Variants in MEGF10 observed in about 807,000 individuals in gnomAD.
The protein encoded by MEGF10 is multiple EGF like domains 10, also known as multiple epidermal growth factor-like domains protein 10.
MEGF10 carries 86 observed loss-of-function variants against 147.5 expected under a neutral mutation model. That is an observed-to-expected ratio of 0.58 (90% confidence interval 0.49 to 0.70). The LOEUF (loss-of-function observed/expected upper bound fraction) is 0.70, where lower values mean the gene tolerates loss of function less well. Among genes scored for constraint, MEGF10 ranks in the 30% least tolerant of loss-of-function variants. The probability of loss-of-function intolerance (pLI) is 0.00; values close to 1 mark genes in which losing one functional copy is unlikely to be tolerated. For missense variants in MEGF10, 1,329 were observed against 1,487.3 expected (o/e 0.89, Z 1.75); for synonymous variants, 478 against 525.5 (o/e 0.91, Z 1.24).
intron 1 of MEGF10, among the ~76,000 whole-genome samples, chr5:127,323,760 T>G (rs1760888903): frequency 6.6e-6 from 1 of 152,030 alleles, no homozygotes; most frequent in Non-Finnish European, 1.5e-5. Flanking sequence ...TAGCTCAGGG[T>G]CTCATGAGTT....
At chr5:127,389,680 A>G (rs1248101430) in intron 5 of MEGF10, among the ~76,000 whole-genome samples, 1 of 152,198 alleles carries the variant, frequency 6.6e-6, no homozygotes, top group Non-Finnish European at 1.5e-5. Flanking sequence ...ACAGAAAACA[A>G]AATACTGCAT....
chr5:127,240,268 C>T, the MEGF10 span, among the ~76,000 whole-genome samples: 2 of 152,160 alleles, frequency 1.3e-5, no homozygotes, highest in African/African-American at 4.8e-5. Flanking sequence ...CTTCCCTGGT[C>T]TATTTGCTTA....
At chr5:127,411,570 G>A (rs1310478546) in intron 9 of MEGF10, among the ~76,000 whole-genome samples, 1 of 149,836 alleles carries the variant, frequency 6.7e-6, no homozygotes, top group African/African-American at 2.4e-5. Flanking sequence ...GTGTGTGTGT[G>A]CGCGCATATG....
rs547142948 is a variant in MEGF10 at position 127,330,400 on chromosome 5, G to A, written c.-18-891G>A. Among the ~76,000 whole-genome samples the A allele has an allele frequency of 2.0e-5, 3 of 152,192 alleles. No homozygotes were observed. In the South Asian group the frequency reaches 6.2e-4, roughly 32 times the overall value. Reference sequence around the variant, plus strand: ...TCACCCTCTGTCTCTTTCTCCAGCTGTCCCCTTTTTCTTGCCATGAATTAA... The same window carrying A: ...TCACCCTCTGTCTCTTTCTCCAGCTATCCCCTTTTTCTTGCCATGAATTAA... On this transcript the variant is annotated intron_variant, in intron 1 of 24. Transcript: ENST00000503335.
intron 2 of MEGF10, among the ~76,000 whole-genome samples, chr5:127,335,142 G>A (rs1761412374): frequency 6.6e-6 from 1 of 152,202 alleles, no homozygotes; most frequent in Non-Finnish European, 1.5e-5. Flanking sequence ...AATGCTGAAA[G>A]TTGTGCAGAA....
the MEGF10 span, among the ~76,000 whole-genome samples, chr5:127,232,295 A>G: frequency 6.6e-6 from 1 of 152,248 alleles, no homozygotes; most frequent in Non-Finnish European, 1.5e-5. Context: ...TGAAGCATCC[A>G]GAAGCTTTCT....
chr5:127,253,593 TAGAG>T, the MEGF10 span, among the ~76,000 whole-genome samples: 17 of 151,960 alleles, frequency 1.1e-4, no homozygotes, highest in Admixed American at 4.6e-4. Context: ...TATTAGGAGA[TAGAG>T]AGAGGCATTT....
At chr5:127,392,546 G>T (rs1409736263) in intron 5 of MEGF10, among the ~76,000 whole-genome samples, 1 of 152,130 alleles carries the variant, frequency 6.6e-6, no homozygotes, top group Non-Finnish European at 1.5e-5. Flanking sequence ...CAGACTTGGT[G>T]TCTCTGTCAT....
intron 4 of MEGF10, among the ~76,000 whole-genome samples, chr5:127,358,378 A>G (rs980462250): frequency 6.6e-6 from 1 of 152,176 alleles, no homozygotes; most frequent in Non-Finnish European, 1.5e-5. Flanking sequence ...GCTGGCCTTT[A>G]TTATTCATAT....
intron 1 of MEGF10, among the ~76,000 whole-genome samples, chr5:127,293,735 T>G (rs1339359581): frequency 6.6e-6 from 1 of 152,228 alleles, no homozygotes; most frequent in African/African-American, 2.4e-5. Context: ...CAGTGTTACC[T>G]GGGTGCATGT....
chr5:127,336,053 T>C (rs1761458111), intron 2 of MEGF10, among the ~76,000 whole-genome samples: 1 of 136,234 alleles, frequency 7.3e-6, no homozygotes, highest in Non-Finnish European at 1.6e-5. Context: ...GTAATTATCA[T>C]TGGTCAGAAA....
intron 21 of MEGF10, 67 bp downstream of exon 21, chr5:127,447,751 G>C: frequency 1.9e-6 from 3 of 1,595,094 alleles, no homozygotes; most frequent in Non-Finnish European, 2.6e-6. Context: ...AGCATTTATT[G>C]AGGGCCGCTG....
chr5:127,393,996 T>C (rs911430200), intron 5 of MEGF10, among the ~76,000 whole-genome samples: 1 of 152,168 alleles, frequency 6.6e-6, no homozygotes, highest in Admixed American at 6.5e-5. Context: ...ATAAAACATG[T>C]TCTGTAAAGT....
At chr5:127,247,363 A>G in the MEGF10 span, among the ~76,000 whole-genome samples, 2,211 of 7,884 alleles carry the variant, frequency 0.28, 135 homozygotes, top group Middle Eastern at 0.41. Flanking sequence ...GAAGAAGAAG[A>G]AGAAGAAGAA....
At chr5:127,397,330 A>G (rs927142974) in intron 6 of MEGF10, among the ~76,000 whole-genome samples, 3 of 152,242 alleles carry the variant, frequency 2.0e-5, no homozygotes, top group African/African-American at 7.2e-5. Context: ...ATGTGAAGAT[A>G]TATGTATTAC....
the MEGF10 span, among the ~76,000 whole-genome samples, chr5:127,269,784 G>T: frequency 6.6e-6 from 1 of 152,122 alleles, no homozygotes; most frequent in South Asian, 2.1e-4. Context: ...ATAATTGTCA[G>T]ATTCACCAAA....
intron 13 of MEGF10, among the ~76,000 whole-genome samples, chr5:127,429,534 CA>C (rs1350669437): frequency 2.0e-5 from 3 of 152,176 alleles, no homozygotes; most frequent in African/African-American, 7.2e-5. Flanking sequence ...TAACACCTCC[CA>C]TGTGCTAGGT....
intron 1 of MEGF10, among the ~76,000 whole-genome samples, chr5:127,316,740 A>G (rs1385895801): frequency 6.6e-6 from 1 of 152,184 alleles, no homozygotes; most frequent in Non-Finnish European, 1.5e-5. Context: ...TGAACAGTGT[A>G]CCATTCTGAC....
At chr5:127,454,414 T>A (rs1442258161) in intron 22 of MEGF10, 152 bp from the exon 23 acceptor site, 3 of 583,354 alleles carry the variant, frequency 5.1e-6, no homozygotes, top group Non-Finnish European at 9.0e-6. Context: ...ACTGGGGACA[T>A]CTGGGACAAC....
Sources: allele counts gnomAD v4.1 joint callset (sites outside exome capture counted in the v4.1 genomes callset), GRCh38; gene constraint gnomAD v4.1.1; transcripts MANE v1.5; gene names NCBI Gene and HGNC (gene_info 2026-07-23, HGNC 2026-07-21).